Variants in GGCX observed in about 807,000 individuals in gnomAD.
GGCX encodes vitamin K-dependent gamma-carboxylase.
GGCX carries 63 observed loss-of-function variants against 88.5 expected under a neutral mutation model. The ratio of observed to expected loss-of-function variants is 0.71; its 90% CI spans 0.58 to 0.88. GGCX has a LOEUF of 0.88. Ranked by LOEUF, GGCX falls within the 40% of genes least tolerant of loss-of-function variation. The pLI, the probability that GGCX is intolerant of heterozygous loss-of-function variation, is 0.00. For missense variants in GGCX, 805 were observed against 932.9 expected (o/e 0.86, Z 1.79); for synonymous variants, 368 against 365.8 (o/e 1.01, Z -0.07).
At chr2:85,555,615 T>C in intron 5 of GGCX, 25 bp from the exon 6 acceptor site, 1 of 1,262,676 alleles carries the variant, frequency 7.9e-7, no homozygotes, top group East Asian at 2.3e-5. Context: ...TGACACAAAG[T>C]TCAAGCAAAA....
In GGCX at chr2:85,558,959, G is replaced by A; in HGVS notation, c.331C>T (p.Pro111Ser). 1 of 1,613,764 alleles carries A rather than the reference G, an allele frequency of 6.2e-7. No homozygotes were observed. Among genetic ancestry groups the A allele is most frequent in the Non-Finnish European group, 8.5e-7 (1 of 1,179,692 alleles). ...TAGACAAGATACATCCAGTCAAGTG[G>A]CAGTGGGCGTAGGGCATCCAGCAAG... The part of the protein sequence containing the change: ...FPLLDALRPL[P>S]LDWMYLVYTI... Residue 111 changes from proline to serine, a missense_variant, in exon 3 of 15, where the codon CCA (proline) becomes TCA (serine). Physicochemically the swap from Pro to Ser is moderately conservative, Grantham distance 74 (BLOSUM62 -1). Transcript: ENST00000233838.
chr2:85,549,826 C>CAAAAAA lies in GGCX; in HGVS notation c.*102_*107dup. 3 of 474,160 alleles carry CAAAAAA rather than the reference C, an allele frequency of 6.3e-6. No homozygotes were observed. Among genetic ancestry groups the CAAAAAA allele is most frequent in the African/African-American group, 2.4e-5 (1 of 41,012 alleles). The allele number at this position is 474,160 out of a possible 1,614,324, so 29.4% of individuals were successfully genotyped here. Reference sequence around the variant, plus strand: ...AAACAGCTTTAGAACCCCGCCCCCCCAAAAAAAAAAAAAAAACTTTTGAGA... The same window carrying CAAAAAA: ...AAACAGCTTTAGAACCCCGCCCCCCCAAAAAAAAAAAAAAAAAAAAAACTTTTGAGA... On this transcript the variant is annotated 3_prime_UTR_variant, in exon 15 of 15. Coordinates refer to ENST00000233838, the MANE Select transcript of GGCX (RefSeq NM_000821.7).
intron 4 of GGCX, among the ~76,000 whole-genome samples, chr2:85,557,013 A>G (rs1309198561): frequency 6.6e-6 from 1 of 152,104 alleles, no homozygotes; most frequent in East Asian, 1.9e-4. Flanking sequence ...TACCTATAAT[A>G]CCAACATTTT....
rs1417486394 is a variant in GGCX at position 85,545,399 on chromosome 2, C to T, written c.*4535G>A. ...TTAACATAGAAGTTGGAGGCTGTAG[C>T]GAACCATTATCAAGCCACTGCACTC... is the stretch of plus-strand genomic sequence containing the variant. On this transcript the variant is annotated 3_prime_UTR_variant, in exon 15 of 15. Coordinates refer to ENST00000233838, the MANE Select transcript of GGCX (RefSeq NM_000821.7). 1 of 152,352 alleles carries T rather than the reference C, an allele frequency of 6.6e-6. No homozygotes were observed. Among genetic ancestry groups the T allele is most frequent in the Non-Finnish European group, 1.5e-5 (1 of 68,022 alleles). 9.4% of individuals were successfully genotyped at this position (152,352 alleles called of 1,614,324 possible).
chr2:85,557,323 A>G (rs915457286), intron 4 of GGCX, among the ~76,000 whole-genome samples: 2 of 152,054 alleles, frequency 1.3e-5, no homozygotes, highest in South Asian at 2.1e-4. Flanking sequence ...CCATCTCTAC[A>G]AAAAATTTTA....
chr2:85,558,782 G>GAC, intron 3 of GGCX, 135 bp downstream of exon 3: 1 of 897,672 alleles, frequency 1.1e-6, no homozygotes, highest in Non-Finnish European at 1.8e-6. Flanking sequence ...CAGCTTAAGT[G>GAC]ACACACAGGT....
chr2:85,559,169 C>G lies in GGCX; in HGVS notation c.215-94G>C, dbSNP rs1692330712. 18 of 1,030,730 alleles carry G rather than the reference C, an allele frequency of 1.7e-5. No individual in the cohort carries two copies. The South Asian group carries it at 2.4e-4, about 14-fold the overall frequency. 63.8% of individuals were successfully genotyped at this position (1,030,730 alleles called of 1,614,324 possible). Reference sequence around the variant, plus strand: ...AGTTGACAGTGTGCAGCTCCAGGGTCAGACTTCTTTTCTAATCTTGGCTCT... The same window carrying G: ...AGTTGACAGTGTGCAGCTCCAGGGTGAGACTTCTTTTCTAATCTTGGCTCT... On this transcript the variant is annotated intron_variant, in intron 2 of 14. Coordinates refer to ENST00000233838, the MANE Select transcript of GGCX (RefSeq NM_000821.7).
In GGCX at chr2:85,546,510, G is replaced by A. The variant is rs1205569058; in HGVS notation, c.*3424C>T. 1 of 147,830 alleles carries A rather than the reference G, an allele frequency of 6.8e-6. No individual in the cohort carries two copies. Among genetic ancestry groups the A allele is most frequent in the East Asian group, 2.0e-4 (1 of 5,106 alleles). The allele number at this position is 147,830 out of a possible 1,614,324, so 9.2% of individuals were successfully genotyped here. On this transcript the variant is annotated 3_prime_UTR_variant, in exon 15 of 15. Coordinates refer to ENST00000233838, the MANE Select transcript of GGCX (RefSeq NM_000821.7). ...TGCGGGTGGATCACCTGAGGTCACG[G>A]TTTGATACCAGCCTGGCAAACTGAA...
rs761522611 is a variant in GGCX at position 85,558,989 on chromosome 2, A to G, written c.301T>C (p.Phe101Leu). The change falls in exon 3 of 15, where the codon TTC becomes CTC. Residue 101 changes from phenylalanine to leucine, a missense_variant. Transcript: ENST00000233838. ...KYLDGLDVCR[F>L]PLLDALRPLP... The stretch of plus-strand genomic sequence containing the variant: ...GGGCGTAGGGCATCCAGCAAGGGGA[A>G]GCGGCACACATCCAGCCCATCAAGG... 3 of 1,613,768 alleles carry G rather than the reference A, an allele frequency of 1.9e-6. No individual in the cohort carries two copies. Among genetic ancestry groups the G allele is most frequent in the Non-Finnish European group, 1.7e-6 (2 of 1,179,654 alleles).
chr2:85,553,304 C>A lies in GGCX; in HGVS notation c.1083G>T (p.Gln361His), dbSNP rs773316868. The A allele has an allele frequency of 1.2e-6, 2 of 1,614,252 alleles. No homozygotes were observed. Among genetic ancestry groups the A allele is most frequent in the East Asian group, 2.2e-5 (1 of 44,896 alleles). ...KSGQKPGLRH[Q>H]LGAAFTLLYL... is the part of the protein sequence containing the mutation. ...AGAGCAGGGTGAAGGCAGCTCCCAGCTGATGGCGCAGCCCTGGCTTCTGGC... is the reference window on the plus strand; with the variant it reads ...AGAGCAGGGTGAAGGCAGCTCCCAGATGATGGCGCAGCCCTGGCTTCTGGC... Residue 361 changes from glutamine to histidine, a missense_variant, in exon 8 of 15, where the codon CAG becomes CAT. Gln to His is a conservative substitution (Grantham distance 24). Transcript: ENST00000233838.
rs1015069135 is a variant in GGCX at position 85,549,694 on chromosome 2, G to A, written c.*240C>T. On this transcript the variant is annotated 3_prime_UTR_variant, in exon 15 of 15. Coordinates refer to ENST00000233838, the MANE Select transcript of GGCX (RefSeq NM_000821.7). ...GCCACTTTAAACCTTATCCTAGGAG[G>A]ACAGTTTCACATTGCGTCTAACCTC... is the stretch of plus-strand genomic sequence containing the variant. The A allele has an allele frequency of 3.9e-6, 2 of 512,000 alleles. No homozygotes were observed. Among genetic ancestry groups the A allele is most frequent in the Non-Finnish European group, 7.0e-6 (2 of 285,618 alleles). 31.7% of individuals were successfully genotyped at this position (512,000 alleles called of 1,614,324 possible).
In GGCX at chr2:85,553,495, T is replaced by C. The variant is rs1692068393; in HGVS notation, c.892A>G (p.Met298Val). The C allele has an allele frequency of 1.2e-6, 2 of 1,613,406 alleles. No homozygotes were observed. The highest frequency in any genetic ancestry group is 1.7e-5 in the Admixed American group (1 of 60,004). Residue 298 changes from methionine to valine, a missense_variant and splice_region_variant, in exon 8 of 15, where the codon ATG becomes GTG. Transcript: ENST00000233838. ...CTGGCCAGCATGACGTAGGAGAACA[T>C]ACCTAGGAAAGCAGGGAGAAAATAC... ...CMNSQLFSIG[M>V]FSYVMLASSP...
At chr2:85,551,368 C>T (rs1400004703) in intron 12 of GGCX, 112 bp downstream of exon 12, 3 of 1,077,156 alleles carry the variant, frequency 2.8e-6, no homozygotes, top group Non-Finnish European at 4.3e-6. Context: ...CTCTGTTGCT[C>T]AGGCTCACTG....
At chr2:85,550,313 T>G (rs1691876419) in intron 14 of GGCX, among the ~76,000 whole-genome samples, 187 bp from the exon 15 acceptor site, 1 of 152,116 alleles carries the variant, frequency 6.6e-6, no homozygotes, top group South Asian at 2.1e-4. Context: ...TGGTAGAGGA[T>G]TCCAGGATAG....
intron 7 of GGCX, 163 bp from the exon 8 acceptor site, chr2:85,553,660 C>T (rs543885617): frequency 1.0e-5 from 7 of 678,652 alleles, no homozygotes; most frequent in South Asian, 3.6e-5. Context: ...AGTGCAGTGG[C>T]GTGATCTCAG....
At position 85,554,255 on chromosome 2, in the gene GGCX, C is replaced by G. The variant is rs1375932913; in HGVS notation, c.777G>C (p.Gly259=). The G allele has an allele frequency of 1.2e-6, 2 of 1,613,594 alleles. No individual in the cohort carries two copies. The highest frequency in any genetic ancestry group is 2.7e-5 in the African/African-American group (2 of 74,906). ...AACCAGCTGAGAGGTCAAGCAGCAG[C>G]CCACCCCAGTGCACGACCAGCAGGC... ...LTSLLVVHWG[G]LLLDLSAGFL... is the part of the protein sequence containing the mutation. Residue 259 remains glycine, a synonymous_variant, in exon 7 of 15, where the codon GGG becomes GGC. Transcript: ENST00000233838.
chr2:85,545,128 G>T lies in GGCX; in HGVS notation c.*4806C>A, dbSNP rs3209936. ...GCTGACTTGGCTGGTGTGGTACAGA[G>T]AAGCCAGCTTGTTTACATGCTTATT... On this transcript the variant is annotated 3_prime_UTR_variant, in exon 15 of 15. Coordinates refer to ENST00000233838, the MANE Select transcript of GGCX (RefSeq NM_000821.7). 1 of 152,644 alleles carries T rather than the reference G, an allele frequency of 6.6e-6. No homozygotes were observed. Among genetic ancestry groups the T allele is most frequent in the African/African-American group, 2.4e-5 (1 of 41,462 alleles). 9.5% of individuals were successfully genotyped at this position (152,644 alleles called of 1,614,324 possible). A position where few individuals can be genotyped will look rare whatever the true frequency, so the allele number is the denominator to read the frequency against.
intron 6 of GGCX, 29 bp from the exon 7 acceptor site, chr2:85,554,335 C>A: frequency 6.2e-7 from 1 of 1,609,370 alleles, no homozygotes; most frequent in Non-Finnish European, 8.5e-7. Context: ...AGTTCAAGCA[C>A]CAGCCCACTG....
rs1041564315 is a variant in GGCX, at chr2:85,549,423, T to A, written c.*511A>T. 1 of 169,630 alleles carries A rather than the reference T, an allele frequency of 5.9e-6. No individual in the cohort carries two copies. The highest frequency in any genetic ancestry group is 1.3e-4 in the South Asian group (1 of 7,630). The allele number at this position is 169,630 out of a possible 1,614,324, so 10.5% of individuals were successfully genotyped here. A position where few individuals can be genotyped will look rare whatever the true frequency, so the allele number is the denominator to read the frequency against. On this transcript the variant is annotated 3_prime_UTR_variant, in exon 15 of 15. Transcript: ENST00000233838. ...CTCTGTTGCCCAGGAGTGCAGTGGC[T>A]CGATCTCGGCTCACTGCAACCTCCA...
Sources: allele counts gnomAD v4.1 joint callset (sites outside exome capture counted in the v4.1 genomes callset), GRCh38; gene constraint gnomAD v4.1.1; transcripts MANE v1.5; gene names NCBI Gene and HGNC (gene_info 2026-07-23, HGNC 2026-07-21).